Variants in GPD2 observed in about 807,000 individuals in gnomAD.
GPD2 encodes the protein glycerol-3-phosphate dehydrogenase, mitochondrial.
A neutral mutation model predicts 82.4 loss-of-function variants in GPD2; 54 were observed. That is an observed-to-expected ratio of 0.66 (90% CI 0.53 to 0.82). GPD2 has a LOEUF of 0.82. Among genes scored for constraint, GPD2 ranks in the 40% least tolerant of loss-of-function variants. The pLI, the probability that GPD2 is intolerant of heterozygous loss-of-function variation, is 0.00. For synonymous variants in GPD2, 288 were observed against 306.1 expected, an observed-to-expected ratio of 0.94 and a Z score of 0.62; for missense variants, 748 against 896.2, an observed-to-expected ratio of 0.83 and a Z score of 2.11.
chr2:156,465,345 C>CT (rs1431363066), intron 1 of GPD2, among the ~76,000 whole-genome samples: 32 of 20,684 alleles, frequency 1.5e-3, no homozygotes, highest in Admixed American at 0.013. Flanking sequence ...CTTTTCTTTT[C>CT]TTTCTTTCTT....
the GPD2 span, among the ~76,000 whole-genome samples, chr2:156,416,057 TA>T: frequency 6.7e-6 from 1 of 150,116 alleles, no homozygotes; most frequent in Admixed American, 6.6e-5. Flanking sequence ...TAAAATAAAA[TA>T]AAAAATAGCC....
At chr2:156,510,996 T>A (rs1684978464) in intron 4 of GPD2, 76 bp downstream of exon 4, 1 of 1,255,928 alleles carries the variant, frequency 8.0e-7, no homozygotes. Flanking sequence ...GGTTTTTTTT[T>A]CTTTAATGGC....
chr2:156,475,119 A>G (rs755711335), intron 1 of GPD2, among the ~76,000 whole-genome samples: 113 of 152,202 alleles, frequency 7.4e-4, no homozygotes, highest in Non-Finnish European at 1.2e-3. Flanking sequence ...CTACAAAAAG[A>G]GAGAAAGAAA....
chr2:156,502,160 A>G (rs1408928790), intron 3 of GPD2, among the ~76,000 whole-genome samples: 1 of 151,966 alleles, frequency 6.6e-6, no homozygotes, highest in Non-Finnish European at 1.5e-5. Flanking sequence ...ATTCTGTTTT[A>G]TCATATTCCA....
At chr2:156,577,699 G>A (rs534187844) in intron 13 of GPD2, among the ~76,000 whole-genome samples, 2 of 152,158 alleles carry the variant, frequency 1.3e-5, no homozygotes, top group African/African-American at 2.4e-5. Context: ...TTTAAGACTT[G>A]TTCTAGGTTA....
intron 2 of GPD2, chr2:156,495,693 TA>T (rs1336503235): frequency 4.9e-6 from 2 of 411,320 alleles, no homozygotes; most frequent in Non-Finnish European, 4.9e-6. Flanking sequence ...TAGTACTGGG[TA>T]AAAAAATCTC....
chr2:156,437,612 A>G (rs1242834938), intron 1 of GPD2, among the ~76,000 whole-genome samples: 1 of 152,212 alleles, frequency 6.6e-6, no homozygotes, highest in Non-Finnish European at 1.5e-5. Context: ...TAATACAGCA[A>G]TATTTTAATG....
chr2:156,577,420 G>T (rs1398431866), intron 13 of GPD2, among the ~76,000 whole-genome samples: 1 of 152,152 alleles, frequency 6.6e-6, no homozygotes, highest in East Asian at 1.9e-4. Context: ...CTGCATGGTA[G>T]AAGCTGCAGT....
intron 1 of GPD2, among the ~76,000 whole-genome samples, chr2:156,446,808 C>G (rs182742180): frequency 6.6e-6 from 1 of 152,192 alleles, no homozygotes; most frequent in Non-Finnish European, 1.5e-5. Flanking sequence ...CCTGCCTTGG[C>G]CTCCCAAAGT....
chr2:156,569,217 T>A, intron 10 of GPD2, 146 bp from the exon 11 acceptor site: 1 of 697,502 alleles, frequency 1.4e-6, no homozygotes, highest in Non-Finnish European at 2.5e-6. Flanking sequence ...GAACAAGCAT[T>A]TTTTTTATTC....
At chr2:156,401,141 A>C in the GPD2 span, among the ~76,000 whole-genome samples, 6 of 152,178 alleles carry the variant, frequency 3.9e-5, no homozygotes, top group Non-Finnish European at 8.8e-5. Context: ...ACTAGAAGTC[A>C]AAACTTGCAT....
At chr2:156,500,046 G>T (rs963211699) in intron 3 of GPD2, among the ~76,000 whole-genome samples, 4 of 152,064 alleles carry the variant, frequency 2.6e-5, no homozygotes, top group Non-Finnish European at 5.9e-5. Context: ...TGGTGGTGAT[G>T]ATAAGGATGA....
chr2:156,427,353 T>C, the GPD2 span, among the ~76,000 whole-genome samples: 785 of 152,366 alleles, frequency 5.2e-3, 7 homozygotes, highest in African/African-American at 0.018. Flanking sequence ...GCTGTGGAAA[T>C]AGTTACTGAA....
intron 6 of GPD2, among the ~76,000 whole-genome samples, chr2:156,545,880 A>G (rs938597236): frequency 3.3e-5 from 5 of 152,202 alleles, no homozygotes; most frequent in Non-Finnish European, 5.9e-5. Context: ...TTTGAGGCCT[A>G]TCTTTTAGAC....
intron 9 of GPD2, among the ~76,000 whole-genome samples, chr2:156,564,753 T>A (rs1207306240): frequency 6.6e-6 from 1 of 152,126 alleles, no homozygotes; most frequent in Non-Finnish European, 1.5e-5. Flanking sequence ...ATATTTTAAA[T>A]AAGGAAATTT....
rs1341056685 is a variant in GPD2, at chr2:156,585,784, A to C, written c.*2866A>C. The C allele has an allele frequency of 6.6e-6, 1 of 152,500 alleles. No individual in the cohort carries two copies. Among genetic ancestry groups the C allele is most frequent in the African/African-American group, 2.4e-5 (1 of 41,422 alleles). 9.4% of individuals were successfully genotyped at this position (152,500 alleles called of 1,614,324 possible). On this transcript the variant is annotated 3_prime_UTR_variant, in exon 17 of 17. Transcript: ENST00000438166. The stretch of plus-strand genomic sequence containing the variant: ...GGCATATGAATGTAATATTAAAGTC[A>C]ATGATGCTATAACTTGCGATGTTTG...
the GPD2 span, among the ~76,000 whole-genome samples, chr2:156,403,519 A>G: frequency 6.6e-6 from 1 of 152,160 alleles, no homozygotes; most frequent in African/African-American, 2.4e-5. Flanking sequence ...GACATTTTTT[A>G]TGCAGACTTT....
chr2:156,469,841 T>A (rs1683269449), intron 1 of GPD2, among the ~76,000 whole-genome samples: 1 of 151,218 alleles, frequency 6.6e-6, no homozygotes. Context: ...GTAATTGAGG[T>A]TTCTATATAA....
upstream of GPD2, among the ~76,000 whole-genome samples, chr2:156,434,310 G>A (rs957371814): frequency 5.3e-5 from 8 of 152,042 alleles, no homozygotes; most frequent in Non-Finnish European, 8.8e-5. Flanking sequence ...CACCATGTTG[G>A]TTAGGCTGGT....
Sources: gnomAD v4.1 joint callset for allele counts (sites outside exome capture counted in the v4.1 genomes callset) on GRCh38, gnomAD v4.1.1 for gene constraint, MANE v1.5 for transcripts, NCBI Gene and HGNC (gene_info 2026-07-23, HGNC 2026-07-21) for gene names.